The following LRRC37A3 variants were observed in gnomAD, a reference collection of about 807,000 sequenced individuals.
The protein encoded by LRRC37A3 is leucine-rich repeat-containing protein 37A3.
LRRC37A3 carries 25 observed loss-of-function variants against 106.2 expected under a neutral mutation model. The ratio of observed to expected loss-of-function variants is 0.24; its 90% confidence interval spans 0.17 to 0.33. The LOEUF (loss-of-function observed/expected upper bound fraction) is 0.33, where lower values mean the gene tolerates loss of function less well. Ranked by LOEUF, LRRC37A3 falls within the 10% of genes least tolerant of loss-of-function variation. LRRC37A3 has a pLI of 1.00. For missense variants in LRRC37A3, 712 were observed against 1,644.9 expected (o/e 0.43, Z 9.81); for synonymous variants, 305 against 635.8 (o/e 0.48, Z 7.83).
In LRRC37A3 at chr17:64,860,261, A is replaced by G; in HGVS notation, c.3885T>C (p.Ser1295=). The G allele has an allele frequency of 6.2e-7, 1 of 1,613,958 alleles. No homozygotes were observed. Among genetic ancestry groups the G allele is most frequent in the Non-Finnish European group, 8.5e-7 (1 of 1,179,868 alleles). Residue 1295 remains serine (S), a synonymous_variant, in exon 12 of 15, where the codon TCT becomes TCC. Transcript: ENST00000584306. ...AKARVTNMKT[S]KPIVHSRKKY... is the part of the protein sequence containing the mutation. Reference sequence around the variant, plus strand: ...TTTTTCTGGAATGTACGATGGGTTTAGATGTCTTCATATTTGTAACTCTAG... The same window carrying G: ...TTTTTCTGGAATGTACGATGGGTTTGGATGTCTTCATATTTGTAACTCTAG...
chr17:64,893,524 G>A (rs1365547285), intron 4 of LRRC37A3, among the ~76,000 whole-genome samples: 1 of 140,130 alleles, frequency 7.1e-6, no homozygotes, highest in Non-Finnish European at 1.5e-5. Flanking sequence ...TACCCATGTA[G>A]CATCTCCACA....
chr17:64,857,909 T>C (rs567401345), intron 13 of LRRC37A3, among the ~76,000 whole-genome samples: 84 of 152,288 alleles, frequency 5.5e-4, no homozygotes, highest in Non-Finnish European at 1.5e-4. Flanking sequence ...CAAATAAGGT[T>C]GGACTGGTGG....
chr17:64,864,920 G>C (rs1419105747), intron 10 of LRRC37A3, among the ~76,000 whole-genome samples: 3 of 152,164 alleles, frequency 2.0e-5, no homozygotes, highest in African/African-American at 4.8e-5. Flanking sequence ...GGGTTTCATG[G>C]ATACAAGAAG....
chr17:64,893,694 G>C (rs1348414534), intron 4 of LRRC37A3, among the ~76,000 whole-genome samples: 5 of 131,186 alleles, frequency 3.8e-5, no homozygotes, highest in Non-Finnish European at 7.6e-5. Flanking sequence ...CTGTCGCCCA[G>C]GCTGGAGTGC....
At chr17:64,876,884 G>A (rs1262247561) in intron 8 of LRRC37A3, 3 of 152,000 alleles carry the variant, frequency 2.0e-5, no homozygotes, top group East Asian at 1.9e-4. Flanking sequence ...CTATGAGGGT[G>A]ATATTAACCT....
chr17:64,865,589 A>T (rs1973040218), intron 10 of LRRC37A3, among the ~76,000 whole-genome samples: 1 of 152,176 alleles, frequency 6.6e-6, no homozygotes, highest in African/African-American at 2.4e-5. Flanking sequence ...ACTTTGCCAC[A>T]TTTGCTTTCC....
chr17:64,879,316 C>T (rs1374503634), intron 8 of LRRC37A3, among the ~76,000 whole-genome samples: 5 of 151,646 alleles, frequency 3.3e-5, no homozygotes, highest in African/African-American at 9.7e-5. Context: ...TATAATACTG[C>T]GTTGATGGTA....
intron 9 of LRRC37A3, among the ~76,000 whole-genome samples, 168 bp downstream of exon 9, chr17:64,868,927 C>A (rs1285771021): frequency 1.3e-5 from 2 of 152,144 alleles, no homozygotes; most frequent in Non-Finnish European, 1.5e-5. Flanking sequence ...GCTGTCTTGA[C>A]CATTATACAT....
rs1357140622 is a variant in LRRC37A3, at chr17:64,881,058, C to A, written c.2906+5028G>T. Reference sequence around the variant, plus strand: ...TAAGCAGATGACCTAGACCCTCACCCAATATGCGCGATGTACTTGGGGAGA... The same window carrying A: ...TAAGCAGATGACCTAGACCCTCACCAAATATGCGCGATGTACTTGGGGAGA... On this transcript the variant is annotated intron_variant, in intron 8 of 14. Transcript: ENST00000584306. The A allele has an allele frequency of 7.1e-6, 5 of 699,568 alleles. No homozygotes were observed. In the Admixed American group the frequency reaches 1.0e-4, roughly 14 times the overall value. 43.3% of individuals were successfully genotyped at this position (699,568 alleles called of 1,614,324 possible). A position where few individuals can be genotyped will look rare whatever the true frequency, so the allele number is the denominator to read the frequency against.
intron 4 of LRRC37A3, among the ~76,000 whole-genome samples, chr17:64,893,652 T>A (rs1483012792): frequency 7.4e-6 from 1 of 135,664 alleles, no homozygotes; most frequent in Non-Finnish European, 1.5e-5. Flanking sequence ...CCTATCATTT[T>A]TTTTTTTTTT....
chr17:64,860,833 T>C lies in LRRC37A3; in HGVS notation c.3313A>G (p.Ser1105Gly), dbSNP rs933759364. ...SSGINLSGFG[S>G]EQLDTNDESD... ...TCGTCATTGGTGTCTAGCTGCTCAC[T>C]CCCAAAGCCTGACAAGTTGATGCCA... The change falls in exon 12 of 15, where the codon AGT becomes GGT. Residue 1105 changes from serine (S) to glycine (G), a missense_variant. By Grantham distance (56) the Ser-to-Gly change is moderately conservative. Transcript: ENST00000584306. 19 of 1,614,076 alleles carry C rather than the reference T, an allele frequency of 1.2e-5. No homozygotes were observed. Among genetic ancestry groups the C allele is most frequent in the Non-Finnish European group, 1.5e-5 (18 of 1,180,046 alleles).
intron 8 of LRRC37A3, among the ~76,000 whole-genome samples, chr17:64,874,967 G>T (rs1410658103): frequency 6.8e-6 from 1 of 147,154 alleles, no homozygotes; most frequent in Non-Finnish European, 1.5e-5. Flanking sequence ...GTGGAAGGCC[G>T]CAGGGTCCTC....
rs1308501366 is a variant in LRRC37A3, at chr17:64,890,715, C to A, written c.2682-963G>T. ...GGTGTGATGGAGGGCACCTGTAATT[C>A]CAGCTACGCGGGAGGCTGAGGCAGG... On this transcript the variant is annotated intron_variant, in intron 5 of 14. Coordinates refer to ENST00000584306, the MANE Select transcript of LRRC37A3 (RefSeq NM_199340.5). Among the ~76,000 whole-genome samples, 12 of 146,432 alleles carry A rather than the reference C, an allele frequency of 8.2e-5. 1 individual carries two copies. The highest frequency in any genetic ancestry group is 1.3e-4 in the Non-Finnish European group (9 of 68,018).
chr17:64,910,969 T>C (rs1458025853), intron 2 of LRRC37A3, among the ~76,000 whole-genome samples: 1 of 152,026 alleles, frequency 6.6e-6, no homozygotes, highest in Admixed American at 6.6e-5. Flanking sequence ...TTGCCAGACA[T>C]TGTGCTAAGC....
At chr17:64,916,232 C>G (rs930473446) in intron 2 of LRRC37A3, among the ~76,000 whole-genome samples, 2 of 151,780 alleles carry the variant, frequency 1.3e-5, no homozygotes, top group African/African-American at 4.8e-5. Context: ...GGTGAAACCC[C>G]GTCTCTACTA....
intron 8 of LRRC37A3, among the ~76,000 whole-genome samples, chr17:64,877,938 C>A (rs1973570512): frequency 6.6e-6 from 1 of 151,796 alleles, no homozygotes. Context: ...GGTGCTGGAA[C>A]AACTGAACAT....
In LRRC37A3 at chr17:64,859,554, T is replaced by C. The variant is rs1440774329; in HGVS notation, c.4592A>G (p.Gln1531Arg). Reference sequence around the variant, plus strand: ...TATCTTGGATGCCTTTACTTCCTGCTGCCCACTGAGAAGCTTCATCAGGTG... The same window carrying C: ...TATCTTGGATGCCTTTACTTCCTGCCGCCCACTGAGAAGCTTCATCAGGTG... ...TGHLMKLLSG[Q>R]QEVKASKIEW... The change falls in exon 12 of 15, where the codon CAG (glutamine) becomes CGG (arginine). Residue 1531 changes from glutamine (Q) to arginine (R), a missense_variant. By Grantham distance (43) the Gln-to-Arg change is conservative. Transcript: ENST00000584306. 6.2e-7 allele frequency: 1 copy of C among 1,612,296 alleles called. No individual in the cohort carries two copies. Among genetic ancestry groups the C allele is most frequent in the Non-Finnish European group, 8.5e-7 (1 of 1,179,824 alleles).
chr17:64,876,022 C>T lies in LRRC37A3; in HGVS notation c.2907-6856G>A, dbSNP rs566860015. The stretch of plus-strand genomic sequence containing the variant: ...TGTAGCTGAGACGACAGATGCGCAC[C>T]ACCACACTCGGCTAACTAAAAAAAA... On this transcript the variant is annotated intron_variant, in intron 8 of 14. Transcript: ENST00000584306. 2.6e-5 allele frequency among the ~76,000 whole-genome samples: 4 copies of T among 152,172 alleles called. No homozygotes were observed. In the South Asian group the frequency reaches 8.3e-4, roughly 32 times the overall value.
chr17:64,872,836 C>T (rs1484502848), intron 8 of LRRC37A3, among the ~76,000 whole-genome samples: 1 of 151,910 alleles, frequency 6.6e-6, no homozygotes, highest in African/African-American at 2.4e-5. Flanking sequence ...AGTTCATAAA[C>T]TCTCACCCCT....
Sources: allele counts gnomAD v4.1 joint callset (sites outside exome capture counted in the v4.1 genomes callset), GRCh38; gene constraint gnomAD v4.1.1; transcripts MANE v1.5; gene names NCBI Gene and HGNC (gene_info 2026-07-23, HGNC 2026-07-21).